CATSPERB: variants seen among roughly 807,000 people sequenced by gnomAD.
CATSPERB encodes the protein cation channel sperm-associated auxiliary subunit beta.
A neutral mutation model predicts 128.3 loss-of-function variants in CATSPERB; 93 were observed. The observed-to-expected ratio is 0.72, with a 90% confidence interval of 0.61 to 0.86. The LOEUF is 0.86. CATSPERB is among the 40% of genes least tolerant of loss of function. The probability of loss-of-function intolerance (pLI) is 0.00; values close to 1 mark genes in which losing one functional copy is unlikely to be tolerated. For synonymous variants in CATSPERB, 381 were observed against 448.8 expected (o/e 0.85, Z 1.91); for missense variants, 1,153 against 1,329.5 (o/e 0.87, Z 2.06).
At chr14:91,630,604 C>T (rs187739453) in intron 17 of CATSPERB, among the ~76,000 whole-genome samples, 1 of 152,244 alleles carries the variant, frequency 6.6e-6, no homozygotes, top group South Asian at 2.1e-4. Flanking sequence ...TTGCTCATAT[C>T]CCTAACAGGC....
intron 18 of CATSPERB, among the ~76,000 whole-genome samples, chr14:91,622,917 G>A (rs1349183016): frequency 2.1e-5 from 2 of 96,684 alleles, no homozygotes; most frequent in Admixed American, 2.6e-4. Context: ...TTTTTGATAT[G>A]GAGTTTCGCT....
intron 7 of CATSPERB, among the ~76,000 whole-genome samples, chr14:91,704,138 GTTGT>G (rs1458501592): frequency 2.0e-5 from 3 of 152,100 alleles, no homozygotes; most frequent in African/African-American, 7.2e-5. Context: ...GAGAGAAACA[GTTGT>G]TTCTTTCCCT....
At chr14:91,661,524 C>CATATATATATATATAT (rs58330624) in intron 14 of CATSPERB, among the ~76,000 whole-genome samples, 1,365 of 126,888 alleles carry the variant, frequency 0.011, 16 homozygotes, top group Admixed American at 0.02. Flanking sequence ...CAGATGCTAT[C>CATATATATATATATAT]ATATATATAT....
intron 10 of CATSPERB, among the ~76,000 whole-genome samples, chr14:91,684,232 GC>G (rs1895336706): frequency 6.6e-6 from 1 of 152,168 alleles, no homozygotes. Flanking sequence ...GCTACCAGAA[GC>G]CATTAGTCTT....
chr14:91,715,468 C>T (rs1895921956), intron 5 of CATSPERB, among the ~76,000 whole-genome samples: 1 of 147,422 alleles, frequency 6.8e-6, no homozygotes, highest in South Asian at 2.1e-4. Flanking sequence ...AGGAGAATCA[C>T]TTGAACTCGG....
chr14:91,591,789 C>T, intron 23 of CATSPERB, 103 bp downstream of exon 23: 1 of 783,616 alleles, frequency 1.3e-6, no homozygotes, highest in South Asian at 1.5e-5. Context: ...CATAATAAGA[C>T]ATTATTTCTA....
At chr14:91,683,050 T>A (rs911531248) in intron 11 of CATSPERB, among the ~76,000 whole-genome samples, 1 of 152,226 alleles carries the variant, frequency 6.6e-6, no homozygotes, top group Non-Finnish European at 1.5e-5. Context: ...ATTGGTTTAG[T>A]CAGCCCCTTA....
chr14:91,729,433 A>G lies in CATSPERB; in HGVS notation c.47T>C (p.Phe16Ser). 6.5e-7 allele frequency: 1 copy of G among 1,531,536 alleles called. No homozygotes were observed. The highest frequency in any genetic ancestry group is 1.4e-5 in the African/African-American group (1 of 73,022). 94.9% of individuals were successfully genotyped at this position (1,531,536 alleles called of 1,614,324 possible). The change falls in exon 2 of 27, where the codon TTT becomes TCT. Residue 16 changes from phenylalanine (F) to serine (S), a missense_variant. Transcript: ENST00000256343. ...IYVSVLLLNI[F>S]EFSSGIVYNK... ...ATATACTATTCCTGATGAAAATTCA[A>G]ATATGTTCAAAAGCAAAACTGAAAC...
At chr14:91,707,620 A>T (rs1348472250) in intron 6 of CATSPERB, among the ~76,000 whole-genome samples, 1 of 97,424 alleles carries the variant, frequency 1.0e-5, no homozygotes, top group East Asian at 3.4e-4. Flanking sequence ...TTTTTTTGAG[A>T]CACAGTCTCA....
At chr14:91,728,242 G>A (rs1896152314) in intron 2 of CATSPERB, among the ~76,000 whole-genome samples, 1 of 152,104 alleles carries the variant, frequency 6.6e-6, no homozygotes, top group Non-Finnish European at 1.5e-5. Context: ...AGCCTCCTGA[G>A]TAGCTGGGAC....
chr14:91,632,601 A>G (rs1446239072), intron 17 of CATSPERB, among the ~76,000 whole-genome samples: 1 of 152,208 alleles, frequency 6.6e-6, no homozygotes, highest in East Asian at 1.9e-4. Flanking sequence ...TTTAAAATGG[A>G]CAAATCCAGT....
At chr14:91,714,356 C>T (rs1241127435) in intron 5 of CATSPERB, among the ~76,000 whole-genome samples, 2 of 150,868 alleles carry the variant, frequency 1.3e-5, no homozygotes, top group East Asian at 1.9e-4. Flanking sequence ...ATCTCCATTC[C>T]TAAATGAGTG....
chr14:91,660,123 C>T (rs1894851669), intron 14 of CATSPERB, 142 bp from the exon 15 acceptor site: 2 of 605,480 alleles, frequency 3.3e-6, no homozygotes, highest in Admixed American at 3.2e-5. Context: ...CTCTCACACA[C>T]ACACACACAC....
chr14:91,644,033 C>T (rs1313501038), intron 15 of CATSPERB, among the ~76,000 whole-genome samples: 1 of 138,566 alleles, frequency 7.2e-6, no homozygotes, highest in Non-Finnish European at 1.6e-5. Context: ...GGATTGCAAC[C>T]CTTGCCTTTT....
At position 91,725,111 on chromosome 14, in the gene CATSPERB, A is replaced by G. The variant is rs1490042053; in HGVS notation, c.137T>C (p.Ile46Thr). 2.5e-6 allele frequency: 4 copies of G among 1,585,920 alleles called. No individual in the cohort carries two copies. The highest frequency in any genetic ancestry group is 3.4e-6 in the Non-Finnish European group (4 of 1,167,078). Residue 46 changes from isoleucine (I) to threonine (T), a missense_variant, in exon 3 of 27, where the codon ATA becomes ACA. Ile to Thr is a moderately conservative substitution (Grantham distance 89). Transcript: ENST00000256343. ...SNKGFPQENE[I>T]IKLYLFLENL... ...TTCTAAGAAAAGATACAACTTGATTATTTCATTCTCTTGAGGGAACCCTTT... is the reference window on the plus strand; with the variant it reads ...TTCTAAGAAAAGATACAACTTGATTGTTTCATTCTCTTGAGGGAACCCTTT...
intron 11 of CATSPERB, among the ~76,000 whole-genome samples, chr14:91,674,970 C>T (rs552425894): frequency 2.6e-5 from 4 of 152,306 alleles, no homozygotes; most frequent in South Asian, 2.1e-4. Context: ...CTTTTAAAGG[C>T]GTGAGCCTGG....
rs1187090375 is a variant in CATSPERB, at chr14:91,604,925, A to G, written c.2709+3369T>C. The G allele has an allele frequency of 4.9e-6, 6 of 1,217,490 alleles. No individual in the cohort carries two copies. In the East Asian group the frequency reaches 7.0e-5, roughly 14 times the overall value. 75.4% of individuals were successfully genotyped at this position (1,217,490 alleles called of 1,614,324 possible). A position where few individuals can be genotyped will look rare whatever the true frequency, so the allele number is the denominator to read the frequency against. On this transcript the variant is annotated intron_variant, in intron 22 of 26. Transcript: ENST00000256343. The stretch of plus-strand genomic sequence containing the variant: ...CTTAACCTGTTTGTAGCTGAGGTTC[A>G]GGATGTTGGAAAGTTCTTGCATCTG...
At chr14:91,724,721 G>C (rs941001619) in intron 3 of CATSPERB, among the ~76,000 whole-genome samples, 1 of 152,042 alleles carries the variant, frequency 6.6e-6, no homozygotes, top group Non-Finnish European at 1.5e-5. Flanking sequence ...GTTATACAAA[G>C]GCAAGACAGA....
At chr14:91,583,410 C>T (rs894023217) in intron 26 of CATSPERB, among the ~76,000 whole-genome samples, 4 of 152,016 alleles carry the variant, frequency 2.6e-5, no homozygotes, top group African/African-American at 9.7e-5. Context: ...CAGAGCGTGA[C>T]TCCATCTCAA....
Sources: gnomAD v4.1 joint callset for allele counts (sites outside exome capture counted in the v4.1 genomes callset) on GRCh38, gnomAD v4.1.1 for gene constraint, MANE v1.5 for transcripts, NCBI Gene and HGNC (gene_info 2026-07-23, HGNC 2026-07-21) for gene names.